The following ZFP36L1 variants were observed in gnomAD, a reference collection of about 807,000 sequenced individuals.
The protein encoded by ZFP36L1 is ZFP36 like 1 zinc finger CCCH-type, also known as mRNA decay activator protein ZFP36L1.
In ZFP36L1, 4 loss-of-function variants were observed where a neutral mutation model predicts 16.7. That is an observed-to-expected ratio of 0.24 (90% confidence interval 0.12 to 0.55). The LOEUF is 0.55. ZFP36L1 is among the 20% of genes least tolerant of loss of function. The pLI is 0.94. For missense variants in ZFP36L1, 311 were observed against 449.2 expected (o/e 0.69, Z 2.78); for synonymous variants, 220 against 190.8 (o/e 1.15, Z -1.26).
chr14:68,794,734 C>T (rs1895202847), upstream of ZFP36L1: 1 of 152,406 alleles, frequency 6.6e-6, no homozygotes, highest in African/African-American at 2.4e-5. Context: ...ACCCCCAACA[C>T]ACACTTTTTT....
rs764802108 is a variant in ZFP36L1 at position 68,792,954 on chromosome 14, G to C, written c.-16C>G. ...TGGTGGTCATCCTGTGCGTTCGCGC[G>C]AGCCAGGGGCGAGGATCTGGTGTGT... On this transcript the variant is annotated 5_prime_UTR_variant, in exon 1 of 2. Transcript: ENST00000439696. 2 of 1,613,688 alleles carry C rather than the reference G, an allele frequency of 1.2e-6. No individual in the cohort carries two copies. The highest frequency in any genetic ancestry group is 8.5e-7 in the Non-Finnish European group (1 of 1,179,930).
chr14:68,792,339 T>C (rs543952140), intron 1 of ZFP36L1, among the ~76,000 whole-genome samples: 3 of 152,310 alleles, frequency 2.0e-5, no homozygotes, highest in African/African-American at 4.8e-5. Flanking sequence ...CAAGCCCCAC[T>C]GCAAACTTGT....
At position 68,789,707 on chromosome 14, in the gene ZFP36L1, G is replaced by A; in HGVS notation, c.843C>T (p.Pro281=). Residue 281 remains proline, a synonymous_variant, in exon 2 of 2, where the codon CCC becomes CCT. Coordinates refer to ENST00000439696, the MANE Select transcript of ZFP36L1 (RefSeq NM_004926.4). This position sits in a 1 kb window ranked among gnomAD's most constrained non-coding sequence, Gnocchi z 4.5. The part of the protein sequence containing the change: ...GGSPTTFLFR[P]MSESPHMFDS... ...CAAACATGTGAGGGGACTCGGACAT[G>A]GGCCGGAAGAGGAAGGTGGTCGGGG... 6.2e-7 allele frequency: 1 copy of A among 1,614,102 alleles called. No individual in the cohort carries two copies. The highest frequency in any genetic ancestry group is 1.1e-5 in the South Asian group (1 of 91,084).
chr14:68,789,314 A>G lies in ZFP36L1; in HGVS notation c.*219T>C. ...CTATAAAATCCAGGGAGGGGGTTTC[A>G]AGCCAGAAGAAGCTACTGACAAATT... On this transcript the variant is annotated 3_prime_UTR_variant, in exon 2 of 2. Coordinates refer to ENST00000439696, the MANE Select transcript of ZFP36L1 (RefSeq NM_004926.4). This position sits in a 1 kb window ranked among gnomAD's most constrained non-coding sequence, Gnocchi z 4.5. The G allele has an allele frequency of 1.6e-6, 1 of 609,806 alleles. No homozygotes were observed. The highest frequency in any genetic ancestry group is 2.7e-6 in the Non-Finnish European group (1 of 368,810). 37.8% of individuals were successfully genotyped at this position (609,806 alleles called of 1,614,324 possible).
Position 68,789,701 on chromosome 14 carries a change from G to A in ZFP36L1, c.849C>T (p.Ser283=), listed in dbSNP as rs773306460. 6.8e-6 allele frequency: 11 copies of A among 1,614,102 alleles called. No homozygotes were observed. In the South Asian group the frequency reaches 1.2e-4, roughly 18 times the overall value. ...SPTTFLFRPM[S]ESPHMFDSPP... is the part of the protein sequence containing the mutation. The stretch of plus-strand genomic sequence containing the variant: ...GAGAGTCAAACATGTGAGGGGACTC[G>A]GACATGGGCCGGAAGAGGAAGGTGG... The change falls in exon 2 of 2, where the codon TCC becomes TCT. Residue 283 remains serine (S), a synonymous_variant. Transcript: ENST00000439696. This position sits in a 1 kb window ranked among gnomAD's most constrained non-coding sequence, Gnocchi z 4.5.
chr14:68,792,140 T>A (rs572834827), intron 1 of ZFP36L1, among the ~76,000 whole-genome samples: 1 of 152,190 alleles, frequency 6.6e-6, no homozygotes, highest in Admixed American at 6.5e-5. Context: ...ATTAAATCCT[T>A]ACTCGCGGGA....
chr14:68,795,903 G>GGC, upstream of ZFP36L1: 4 of 942,578 alleles, frequency 4.2e-6, no homozygotes, highest in Non-Finnish European at 6.3e-6. Flanking sequence ...GGCGGGAGCC[G>GGC]ACCCGCCCTC....
At chr14:68,794,709 G>A (rs1408048557), upstream of ZFP36L1, 1 of 152,412 alleles carries the variant, frequency 6.6e-6, no homozygotes, top group East Asian at 1.9e-4. Context: ...GGGCCGAAGA[G>A]AGCGCATTCT....
rs549262013 is a variant in ZFP36L1 at position 68,789,818 on chromosome 14, G to C, written c.732C>G (p.Pro244=). Residue 244 remains proline, a synonymous_variant, in exon 2 of 2, where the codon CCC becomes CCG. Coordinates refer to ENST00000439696, the MANE Select transcript of ZFP36L1 (RefSeq NM_004926.4). The surrounding 1 kb of genome is among the most constrained non-coding windows in gnomAD (Gnocchi z 4.5). The stretch of plus-strand genomic sequence containing the variant: ...AGGCAAAAGGGTTATTGGTGCCATC[G>C]GGCAGGGTAGGTGAGCCCAGGAGGT... ...ADDLLGSPTL[P]DGTNNPFAFS... 1.2e-6 allele frequency: 2 copies of C among 1,612,584 alleles called. No individual in the cohort carries two copies. The highest frequency in any genetic ancestry group is 1.7e-6 in the Non-Finnish European group (2 of 1,180,010).
upstream of ZFP36L1, chr14:68,793,881 C>A (rs1895179599): frequency 2.0e-6 from 2 of 981,508 alleles, no homozygotes; most frequent in Admixed American, 6.3e-5. Context: ...CCGCACGCGT[C>A]GACACTCGCG....
chr14:68,790,939 C>T (rs1895051507), intron 1 of ZFP36L1: 1 of 633,084 alleles, frequency 1.6e-6, no homozygotes, highest in South Asian at 1.8e-5. Context: ...GTTAGGTCCC[C>T]TTCCAATCAG....
At position 68,792,569 on chromosome 14, in the gene ZFP36L1, C is replaced by T. The variant is rs546503042; in HGVS notation, c.57+313G>A. The stretch of plus-strand genomic sequence containing the variant: ...GGATCCAGCAGCACGTTACGTAAAA[C>T]AGGATCGCCCAAAACTTGTCCCAAT... On this transcript the variant is annotated intron_variant, in intron 1 of 1. Coordinates refer to ENST00000439696, the MANE Select transcript of ZFP36L1 (RefSeq NM_004926.4). Among the ~76,000 whole-genome samples, 7 of 152,200 alleles carry T rather than the reference C, an allele frequency of 4.6e-5. No individual in the cohort carries two copies. In the East Asian group the frequency reaches 5.8e-4, roughly 13 times the overall value.
Position 68,789,474 on chromosome 14 carries a change from A to G in ZFP36L1, c.*59T>C, listed in dbSNP as rs1202439591. On this transcript the variant is annotated 3_prime_UTR_variant, in exon 2 of 2. Coordinates refer to ENST00000439696, the MANE Select transcript of ZFP36L1 (RefSeq NM_004926.4). This position sits in a 1 kb window ranked among gnomAD's most constrained non-coding sequence, Gnocchi z 4.5. ...ATGGGATGGGTAGGGAGAAGAGGGTATGGGATGTGGGTGCAGGGTAGGGGC... is the reference window on the plus strand; with the variant it reads ...ATGGGATGGGTAGGGAGAAGAGGGTGTGGGATGTGGGTGCAGGGTAGGGGC... The G allele has an allele frequency of 6.2e-7, 1 of 1,607,166 alleles. No homozygotes were observed. Among genetic ancestry groups the G allele is most frequent in the Non-Finnish European group, 8.5e-7 (1 of 1,177,140 alleles).
chr14:68,789,354 T>G lies in ZFP36L1; in HGVS notation c.*179A>C. ...ACTGACAAATTGACTTGTCCTTATG[T>G]TAGGTGGGGTTATGAGGGGGAGAGG... is the stretch of plus-strand genomic sequence containing the variant. On this transcript the variant is annotated 3_prime_UTR_variant, in exon 2 of 2. Coordinates refer to ENST00000439696, the MANE Select transcript of ZFP36L1 (RefSeq NM_004926.4). This position sits in a 1 kb window ranked among gnomAD's most constrained non-coding sequence, Gnocchi z 4.5. The G allele has an allele frequency of 8.4e-6, 7 of 831,112 alleles. No homozygotes were observed. Among genetic ancestry groups the G allele is most frequent in the African/African-American group, 1.7e-5 (1 of 58,454 alleles). 51.5% of individuals were successfully genotyped at this position (831,112 alleles called of 1,614,324 possible). A position where few individuals can be genotyped will look rare whatever the true frequency, so the allele number is the denominator to read the frequency against.
chr14:68,790,517 T>C, intron 1 of ZFP36L1, 25 bp from the exon 2 acceptor site: 2 of 1,612,372 alleles, frequency 1.2e-6, no homozygotes, highest in Non-Finnish European at 1.7e-6. Flanking sequence ...GAAAGGATGG[T>C]AAGGACAGAG....
At chr14:68,791,429 TG>T (rs1895067064) in intron 1 of ZFP36L1, among the ~76,000 whole-genome samples, 2 of 152,072 alleles carry the variant, frequency 1.3e-5, no homozygotes, top group Non-Finnish European at 2.9e-5. Flanking sequence ...AATAGGACCC[TG>T]GTCACCTGCC....
chr14:68,792,674 T>A (rs1895126308), intron 1 of ZFP36L1, among the ~76,000 whole-genome samples: 1 of 151,934 alleles, frequency 6.6e-6, no homozygotes, highest in South Asian at 2.1e-4. Context: ...CAGATTCACA[T>A]GTAATCCCCG....
In ZFP36L1 at chr14:68,789,227, C is replaced by T. The variant is rs576680267; in HGVS notation, c.*306G>A. On this transcript the variant is annotated 3_prime_UTR_variant, in exon 2 of 2. Coordinates refer to ENST00000439696, the MANE Select transcript of ZFP36L1 (RefSeq NM_004926.4). The surrounding 1 kb of genome is among the most constrained non-coding windows in gnomAD (Gnocchi z 4.5). ...GTGATTTGGCACTTAAGGCTTAAGC[C>T]GGAAAAAAAAAGGCATCTACTGACA... The T allele has an allele frequency of 2.4e-4, 84 of 350,894 alleles. No homozygotes were observed. The East Asian group carries it at 4.0e-3, about 17-fold the overall frequency. The allele number at this position is 350,894 out of a possible 1,614,324, so 21.7% of individuals were successfully genotyped here.
chr14:68,790,496 G>A lies in ZFP36L1; in HGVS notation c.58-4C>T. On this transcript the variant is annotated splice_polypyrimidine_tract_variant and splice_region_variant and intron_variant, in intron 1 of 1. Coordinates refer to ENST00000439696, the MANE Select transcript of ZFP36L1 (RefSeq NM_004926.4). The stretch of plus-strand genomic sequence containing the variant: ...TATAGTTGAGCATCTTGTTACCCTG[G>A]AGAGAGAAGAGAAAGGATGGTAAGG... 6.2e-7 allele frequency: 1 copy of A among 1,613,788 alleles called. No individual in the cohort carries two copies. The highest frequency in any genetic ancestry group is 8.5e-7 in the Non-Finnish European group (1 of 1,179,946).
Sources: allele counts gnomAD v4.1 joint callset (sites outside exome capture counted in the v4.1 genomes callset), GRCh38; gene constraint gnomAD v4.1.1; non-coding constraint Gnocchi (gnomAD v3.1); transcripts MANE v1.5; gene names NCBI Gene and HGNC (gene_info 2026-07-23, HGNC 2026-07-21).